NAA20: variants seen among roughly 807,000 people sequenced by gnomAD.
NAA20 encodes N-alpha-acetyltransferase 20.
Under a neutral mutation model 23.8 loss-of-function variants are expected in NAA20, and 24 were observed. The observed-to-expected ratio is 1.01, with a 90% CI of 0.73 to 1.42. The LOEUF (loss-of-function observed/expected upper bound fraction) is 1.42, where lower values mean the gene tolerates loss of function less well. NAA20 is among the 40% of genes most tolerant of loss of function. NAA20 has a pLI of 0.00. For missense variants in NAA20, 166 were observed against 223.1 expected, an observed-to-expected ratio of 0.74 and a Z score of 1.63; for synonymous variants, 83 against 77.7, an observed-to-expected ratio of 1.07 and a Z score of -0.36.
At chr20:20,028,716 T>C (rs962064795) in intron 4 of NAA20, among the ~76,000 whole-genome samples, 1 of 152,084 alleles carries the variant, frequency 6.6e-6, no homozygotes, top group South Asian at 2.1e-4. Context: ...ATATACACTA[T>C]ATACATGTAT....
At chr20:20,029,744 G>A (rs2043330117) in intron 4 of NAA20, among the ~76,000 whole-genome samples, 1 of 152,078 alleles carries the variant, frequency 6.6e-6, no homozygotes, top group African/African-American at 2.4e-5. Flanking sequence ...GGGAGATTTA[G>A]ACATGCTTTT....
At chr20:20,025,332 G>A (rs1336958177) in intron 2 of NAA20, among the ~76,000 whole-genome samples, 2 of 152,178 alleles carry the variant, frequency 1.3e-5, no homozygotes, top group Non-Finnish European at 2.9e-5. Context: ...CATAGACTAA[G>A]AGGAGGCAGA....
At chr20:20,027,672 G>A (rs974156745) in intron 4 of NAA20, among the ~76,000 whole-genome samples, 1 of 151,878 alleles carries the variant, frequency 6.6e-6, no homozygotes, top group East Asian at 1.9e-4. Flanking sequence ...CTGAACATTC[G>A]AAATATCCTT....
intron 1 of NAA20, among the ~76,000 whole-genome samples, chr20:20,019,304 A>G (rs1297991770): frequency 6.6e-6 from 1 of 152,174 alleles, no homozygotes; most frequent in African/African-American, 2.4e-5. Context: ...TGGGCAGGTA[A>G]GCCATTCAGG....
chr20:20,021,628 C>T (rs560660197), intron 1 of NAA20, among the ~76,000 whole-genome samples: 10 of 152,266 alleles, frequency 6.6e-5, no homozygotes, highest in African/African-American at 2.4e-4. Flanking sequence ...TCTTCAGTAA[C>T]TTTTTAGCGT....
chr20:20,029,586 C>T (rs1284053906), intron 4 of NAA20, among the ~76,000 whole-genome samples: 1 of 148,912 alleles, frequency 6.7e-6, no homozygotes, highest in African/African-American at 2.5e-5. Flanking sequence ...CATTGCACTC[C>T]AGCCTGTGCA....
In NAA20 at chr20:20,017,413, C is replaced by T; in HGVS notation, c.17C>T (p.Ala6Val). 6.2e-7 allele frequency: 1 copy of T among 1,612,040 alleles called. No homozygotes were observed. MTTLR[A>V]FTCDDLFRFN... ...GGCGGCGCGATGACCACGCTACGGG[C>T]CTTTACCTGCGACGACCTGTTCCGC... The change falls in exon 1 of 6, where the codon GCC becomes GTC. Residue 6 changes from alanine to valine, a missense_variant. Coordinates refer to ENST00000334982, the MANE Select transcript of NAA20 (RefSeq NM_016100.5).
chr20:20,032,432 TAA>T, intron 4 of NAA20, 74 bp from the exon 5 acceptor site: 1 of 1,465,296 alleles, frequency 6.8e-7, no homozygotes. Context: ...AAACACGTTT[TAA>T]AAAAAATATG....
At chr20:20,030,512 G>A (rs1053065702) in intron 4 of NAA20, among the ~76,000 whole-genome samples, 12 of 151,968 alleles carry the variant, frequency 7.9e-5, no homozygotes, top group African/African-American at 1.7e-4. Flanking sequence ...AGTTAGTCCC[G>A]CTTCAGTAAT....
chr20:20,027,058 T>A, intron 4 of NAA20, 139 bp downstream of exon 4: 1 of 1,202,030 alleles, frequency 8.3e-7, no homozygotes, highest in Non-Finnish European at 1.2e-6. Context: ...AGAACAATTC[T>A]ATCACATAGT....
chr20:20,022,455 G>A lies in NAA20; in HGVS notation c.54-1G>A. 6.3e-7 allele frequency: 1 copy of A among 1,585,804 alleles called. No individual in the cohort carries two copies. The highest frequency in any genetic ancestry group is 8.5e-7 in the Non-Finnish European group (1 of 1,169,664). On this transcript the variant is annotated splice_acceptor_variant, in intron 1 of 5. Transcript: ENST00000334982. LOFTEE classifies it high-confidence loss of function. ...AGAGACATTTCTCTTGTTTCTTTCA[G>A]TAACTTGGATCCACTTACAGAAACT...
At chr20:20,030,684 A>G (rs60298328) in intron 4 of NAA20, among the ~76,000 whole-genome samples, 7,316 of 151,792 alleles carry the variant, frequency 0.048, 613 homozygotes, top group African/African-American at 0.17. Context: ...ATATAAAGTC[A>G]GTATAAAAAT....
At chr20:20,026,559 T>G (rs2043307839) in intron 3 of NAA20, among the ~76,000 whole-genome samples, 1 of 152,144 alleles carries the variant, frequency 6.6e-6, no homozygotes, top group African/African-American at 2.4e-5. Context: ...TCGTTCTTTT[T>G]TGTTCTAATT....
chr20:20,027,852 A>G (rs1167745944), intron 4 of NAA20, among the ~76,000 whole-genome samples: 7 of 151,744 alleles, frequency 4.6e-5, no homozygotes, highest in Admixed American at 3.9e-4. Context: ...CCCTCCTCGT[A>G]TCTTCATTCT....
At position 20,026,661 on chromosome 20, in the gene NAA20, A is replaced by G; in HGVS notation, c.170-123A>G. The G allele has an allele frequency of 2.7e-6, 3 of 1,126,122 alleles. 1 individual carries two copies. The South Asian group carries it at 4.5e-5, about 17-fold the overall frequency. 69.8% of individuals were successfully genotyped at this position (1,126,122 alleles called of 1,614,324 possible). A position where few individuals can be genotyped will look rare whatever the true frequency, so the allele number is the denominator to read the frequency against. On this transcript the variant is annotated intron_variant, in intron 3 of 5. Coordinates refer to ENST00000334982, the MANE Select transcript of NAA20 (RefSeq NM_016100.5). Reference sequence around the variant, plus strand: ...CACTAACTGTTAGCTGGATGACCTCAGGTGGTACTTAAAAACTTCTTTATT... The same window carrying G: ...CACTAACTGTTAGCTGGATGACCTCGGGTGGTACTTAAAAACTTCTTTATT...
rs1186130380 is a variant in NAA20, at chr20:20,033,149, C to G, written c.499C>G (p.Pro167Ala). ...GGATACTGAGAAGAAATCCATCATA[C>G]CATTACCTCATCCTGTGAGGCCTGA... Reference protein sequence around the residue: ...SRDTEKKSIIPLPHPVRPEDI... With the variant: ...SRDTEKKSIIALPHPVRPEDI... Residue 167 changes from proline to alanine, a missense_variant, in exon 6 of 6, where the codon CCA becomes GCA. Transcript: ENST00000334982. 3.7e-6 allele frequency: 6 copies of G among 1,613,722 alleles called. No individual in the cohort carries two copies. The South Asian group carries it at 6.6e-5, about 18-fold the overall frequency.
At position 20,026,813 on chromosome 20, in the gene NAA20, AG is replaced by A. The variant is rs755711732; in HGVS notation, c.202del (p.Glu68LysfsTer29). On this transcript the variant is annotated frameshift_variant, in exon 4 of 6. Coordinates refer to ENST00000334982, the MANE Select transcript of NAA20 (RefSeq NM_016100.5). LOFTEE classifies it high-confidence loss of function. Reference protein sequence around the residue: ...IMGKAEGSVAREEWHGHVTAL... With the variant: ...IMGKAEGSVAXEEWHGHVTAL... ...GGGTAAAGCAGAAGGCTCAGTAGCT[AG>A]GGAAGAATGGCACGGGCACGTCACA... The A allele has an allele frequency of 2.8e-5, 45 of 1,614,194 alleles. No individual in the cohort carries two copies.
intron 2 of NAA20, among the ~76,000 whole-genome samples, chr20:20,024,171 TACAA>T (rs796478528): frequency 1.1e-4 from 17 of 152,356 alleles, no homozygotes; most frequent in African/African-American, 3.8e-4. Context: ...GTTATACCAT[TACAA>T]ACATTATTTA....
At chr20:20,019,263 G>A (rs1265932804) in intron 1 of NAA20, among the ~76,000 whole-genome samples, 1 of 152,152 alleles carries the variant, frequency 6.6e-6, no homozygotes, top group East Asian at 1.9e-4. Flanking sequence ...ACTGAGCTCT[G>A]TGGGCTGTCA....
Sources: allele counts gnomAD v4.1 joint callset (sites outside exome capture counted in the v4.1 genomes callset), GRCh38; gene constraint gnomAD v4.1.1; transcripts MANE v1.5; gene names NCBI Gene and HGNC (gene_info 2026-07-23, HGNC 2026-07-21).